ACOT12: variants seen among roughly 807,000 people sequenced by gnomAD.
ACOT12 encodes acetyl-coenzyme A thioesterase.
In ACOT12, 51 loss-of-function variants were observed where a neutral mutation model predicts 67.7. The observed-to-expected ratio is 0.75, with a 90% CI of 0.60 to 0.95. The LOEUF is 0.95. Among genes scored for constraint, ACOT12 ranks in the 40% least tolerant of loss-of-function variants. ACOT12 has a pLI of 0.00. For missense variants in ACOT12, 734 were observed against 708.1 expected (o/e 1.04, Z -0.41); for synonymous variants, 251 against 244.6 (o/e 1.03, Z -0.24).
At chr5:81,321,532 G>A in the ACOT12 span, among the ~76,000 whole-genome samples, 3 of 152,118 alleles carry the variant, frequency 2.0e-5, no homozygotes, top group East Asian at 5.8e-4. Context: ...GCAAGGAATA[G>A]GAGATTGTTT....
At chr5:81,336,040 G>A in intron 11 of ACOT12, 139 bp from the exon 12 acceptor site, 1 of 836,848 alleles carries the variant, frequency 1.2e-6, no homozygotes, top group Non-Finnish European at 1.8e-6. Flanking sequence ...AAGCCCCATG[G>A]CAATTTCTCT....
chr5:81,339,933 C>T (rs984495746), intron 11 of ACOT12, among the ~76,000 whole-genome samples: 7 of 152,054 alleles, frequency 4.6e-5, no homozygotes, highest in African/African-American at 1.4e-4. Context: ...TTATGTTGCC[C>T]AGGCTGGCCT....
rs186014324 is a variant in ACOT12 at position 81,380,124 on chromosome 5, C to A, written c.197+5633G>T. Among the ~76,000 whole-genome samples, 27 of 152,266 alleles carry A rather than the reference C, an allele frequency of 1.8e-4. No homozygotes were observed. The East Asian group carries it at 4.8e-3, about 27-fold the overall frequency. ...TAGAAATCTGAACAAATTTAAATTT[C>A]TGGCACAGTTTTATTAACCCTTAAT... On this transcript the variant is annotated intron_variant, in intron 2 of 14. Coordinates refer to ENST00000307624, the MANE Select transcript of ACOT12 (RefSeq NM_130767.3).
intron 5 of ACOT12, among the ~76,000 whole-genome samples, chr5:81,358,428 T>G (rs958099103): frequency 6.6e-6 from 1 of 152,056 alleles, no homozygotes; most frequent in Admixed American, 6.5e-5. Context: ...GTTCTCTTGG[T>G]TCAGCTATTT....
chr5:81,332,436 C>T (rs1187287136), intron 13 of ACOT12, 41 bp downstream of exon 13: 1 of 1,605,368 alleles, frequency 6.2e-7, no homozygotes, highest in East Asian at 2.2e-5. Flanking sequence ...CTATCCTATA[C>T]TATGAAATAT....
chr5:81,377,531 G>A (rs1192147915), intron 2 of ACOT12, among the ~76,000 whole-genome samples: 1 of 152,146 alleles, frequency 6.6e-6, no homozygotes, highest in African/African-American at 2.4e-5. Flanking sequence ...ATTCAAATAG[G>A]AAAAGAGGAA....
intron 11 of ACOT12, among the ~76,000 whole-genome samples, chr5:81,341,380 A>G (rs1031824518): frequency 2.6e-5 from 4 of 152,258 alleles, no homozygotes; most frequent in Non-Finnish European, 5.9e-5. Context: ...AAACGAATCA[A>G]TGAAGTAGCA....
At chr5:81,344,067 G>A (rs997449509) in intron 9 of ACOT12, 93 bp downstream of exon 9, 54 of 1,395,020 alleles carry the variant, frequency 3.9e-5, no homozygotes, top group East Asian at 6.9e-5. Context: ...CTCTTTTTCC[G>A]TTACGTGGGA....
At chr5:81,333,063 T>TA (rs11343919) in intron 12 of ACOT12, among the ~76,000 whole-genome samples, 1,398 of 131,354 alleles carry the variant, frequency 0.011, 17 homozygotes, top group African/African-American at 0.032. Context: ...AGTGAGATCT[T>TA]AAAAAAAAAA....
chr5:81,350,808 A>G (rs1004037114), intron 5 of ACOT12, among the ~76,000 whole-genome samples: 1 of 152,036 alleles, frequency 6.6e-6, no homozygotes, highest in African/African-American at 2.4e-5. Flanking sequence ...GGCTCTCTGG[A>G]GGGTGGAATT....
At chr5:81,346,244 C>T (rs1561329198) in intron 6 of ACOT12, among the ~76,000 whole-genome samples, 1 of 152,214 alleles carries the variant, frequency 6.6e-6, no homozygotes, top group Non-Finnish European at 1.5e-5. Context: ...AACAGTCCTA[C>T]TCTTGTCTCG....
chr5:81,368,190 G>T (rs1760140036), intron 3 of ACOT12, among the ~76,000 whole-genome samples: 1 of 152,110 alleles, frequency 6.6e-6, no homozygotes, highest in South Asian at 2.1e-4. Context: ...TATTTGAGAG[G>T]CTGAGGCAAG....
In ACOT12 at chr5:81,345,042, C is replaced by G. The variant is rs752952634; in HGVS notation, c.774-1G>C. On this transcript the variant is annotated splice_acceptor_variant, in intron 7 of 14. Transcript: ENST00000307624. LOFTEE classifies it high-confidence loss of function. ...CTCCACGCGAACTCCAACTTCAACA[C>G]TGTGAAGGGTGATGCAGGGCGGTGG... 1.2e-6 allele frequency: 2 copies of G among 1,613,974 alleles called. No homozygotes were observed. Among genetic ancestry groups the G allele is most frequent in the East Asian group, 4.5e-5 (2 of 44,880 alleles).
chr5:81,308,707 T>C, the ACOT12 span: 2 of 1,604,986 alleles, frequency 1.2e-6, no homozygotes, highest in Non-Finnish European at 1.7e-6. Flanking sequence ...TAGACCCGGC[T>C]CTTGGTATGT....
chr5:81,343,632 C>A (rs2153848334), intron 10 of ACOT12, among the ~76,000 whole-genome samples, 186 bp downstream of exon 10: 1 of 152,202 alleles, frequency 6.6e-6, no homozygotes, highest in East Asian at 1.9e-4. Context: ...TCAAACAAGG[C>A]TAAACTGCCG....
At chr5:81,310,976 T>C in the ACOT12 span, among the ~76,000 whole-genome samples, 1 of 152,222 alleles carries the variant, frequency 6.6e-6, no homozygotes, top group Admixed American at 6.5e-5. Flanking sequence ...TTCTTTTTCC[T>C]ACTTCTCAAG....
intron 2 of ACOT12, among the ~76,000 whole-genome samples, chr5:81,378,116 T>C (rs1760473693): frequency 6.6e-6 from 1 of 152,180 alleles, no homozygotes; most frequent in Admixed American, 6.5e-5. Flanking sequence ...CAAAACAGCA[T>C]GGTACTGGTA....
the ACOT12 span, chr5:81,312,512 T>C: frequency 1.9e-6 from 3 of 1,552,116 alleles, no homozygotes; most frequent in Non-Finnish European, 2.7e-6. Context: ...TTACTGTTTT[T>C]CTAACATTCT....
chr5:81,345,165 C>T (rs1759341583), intron 7 of ACOT12, 124 bp from the exon 8 acceptor site: 6 of 1,286,592 alleles, frequency 4.7e-6, no homozygotes, highest in South Asian at 1.5e-5. Flanking sequence ...GGATAAGGGC[C>T]TGGGTTTTCT....
Sources: allele counts gnomAD v4.1 joint callset (sites outside exome capture counted in the v4.1 genomes callset), GRCh38; gene constraint gnomAD v4.1.1; transcripts MANE v1.5; gene names NCBI Gene and HGNC (gene_info 2026-07-23, HGNC 2026-07-21).